The following FRMD4B variants were observed in gnomAD, a reference collection of about 807,000 sequenced individuals.
FRMD4B encodes FERM domain-containing protein 4B.
FRMD4B carries 74 observed loss-of-function variants against 141.5 expected under a neutral mutation model. The observed-to-expected ratio is 0.52, with a 90% CI of 0.43 to 0.63. The LOEUF is 0.63. Ranked by LOEUF, FRMD4B falls within the 30% of genes least tolerant of loss-of-function variation. FRMD4B has a pLI of 0.00. For missense variants in FRMD4B, 1,366 were observed against 1,253.4 expected, an observed-to-expected ratio of 1.09 and a Z score of -1.36; for synonymous variants, 506 against 467.9, an observed-to-expected ratio of 1.08 and a Z score of -1.05.
intron 22 of FRMD4B, 32 bp from the exon 23 acceptor site, chr3:69,172,013 G>A: frequency 6.2e-7 from 1 of 1,609,032 alleles, no homozygotes; most frequent in South Asian, 1.1e-5. Context: ...GTTACTACTT[G>A]TGGCCATATT....
chr3:69,282,594 C>G (rs938541284), intron 5 of FRMD4B, among the ~76,000 whole-genome samples: 3 of 152,180 alleles, frequency 2.0e-5, no homozygotes, highest in African/African-American at 7.2e-5. Flanking sequence ...AAACAGCTAC[C>G]TGATCCTGGA....
intron 1 of FRMD4B, among the ~76,000 whole-genome samples, chr3:69,456,223 T>A (rs1482649716): frequency 6.9e-6 from 1 of 145,416 alleles, no homozygotes. Context: ...CTTTGTCAAT[T>A]CATGAAACTC....
At chr3:69,290,708 A>T (rs979882997) in intron 4 of FRMD4B, among the ~76,000 whole-genome samples, 4 of 152,106 alleles carry the variant, frequency 2.6e-5, no homozygotes, top group Non-Finnish European at 4.4e-5. Context: ...GTGCTTCCCG[A>T]TTGTTCTCTC....
intron 1 of FRMD4B, among the ~76,000 whole-genome samples, chr3:69,482,829 C>T (rs564896131): frequency 6.6e-6 from 1 of 152,108 alleles, no homozygotes; most frequent in African/African-American, 2.4e-5. Flanking sequence ...AACTGTTACT[C>T]TTTTTTGGTT....
chr3:69,473,600 T>C (rs1290234075), intron 1 of FRMD4B, among the ~76,000 whole-genome samples: 1 of 152,184 alleles, frequency 6.6e-6, no homozygotes, highest in African/African-American at 2.4e-5. Context: ...CAAGTATATA[T>C]ACTTTTATTT....
chr3:69,218,665 C>T (rs1166394771), intron 9 of FRMD4B, among the ~76,000 whole-genome samples: 4 of 152,126 alleles, frequency 2.6e-5, no homozygotes, highest in African/African-American at 9.7e-5. Flanking sequence ...ATTATAAACT[C>T]CATTTGCAAG....
chr3:69,539,173 G>A (rs1444514853), intron 1 of FRMD4B, among the ~76,000 whole-genome samples: 1 of 152,188 alleles, frequency 6.6e-6, no homozygotes, highest in Non-Finnish European at 1.5e-5. Context: ...GAAAATTACT[G>A]CAGGCTGGAT....
chr3:69,472,256 C>A, intron 1 of FRMD4B: 1 of 333,190 alleles, frequency 3.0e-6, no homozygotes, highest in Non-Finnish European at 6.1e-6. Flanking sequence ...GCATGTCCAG[C>A]CTTCCTTGTT....
chr3:69,182,196 T>A (rs898032511), intron 20 of FRMD4B, among the ~76,000 whole-genome samples: 1 of 152,170 alleles, frequency 6.6e-6, no homozygotes, highest in Non-Finnish European at 1.5e-5. Flanking sequence ...TCTTGCTTCC[T>A]CCTTTGTAAG....
intron 5 of FRMD4B, among the ~76,000 whole-genome samples, chr3:69,257,277 T>C (rs1213148443): frequency 6.6e-6 from 1 of 152,232 alleles, no homozygotes; most frequent in South Asian, 2.1e-4. Flanking sequence ...ACAATATAAG[T>C]AACAACCCTC....
intron 1 of FRMD4B, among the ~76,000 whole-genome samples, chr3:69,486,427 T>C (rs1706217600): frequency 7.4e-6 from 1 of 135,070 alleles, no homozygotes; most frequent in African/African-American, 3.1e-5. Flanking sequence ...TGCCTTTGCG[T>C]CCTTATAGCT....
intron 5 of FRMD4B, among the ~76,000 whole-genome samples, chr3:69,254,073 C>T (rs2093478664): frequency 6.6e-6 from 1 of 152,070 alleles, no homozygotes; most frequent in Admixed American, 6.6e-5. Context: ...GAGCAAGACC[C>T]TGTCTCAAAA....
At chr3:69,180,856 G>A (rs752576449) in intron 21 of FRMD4B, 43 bp downstream of exon 21, 15 of 1,377,592 alleles carry the variant, frequency 1.1e-5, no homozygotes, top group Non-Finnish European at 1.5e-5. Context: ...GAAACACGAT[G>A]TAAATAAAAT....
At chr3:69,213,145 T>C (rs2093103075) in intron 11 of FRMD4B, among the ~76,000 whole-genome samples, 1 of 152,186 alleles carries the variant, frequency 6.6e-6, no homozygotes, top group Admixed American at 6.5e-5. Context: ...TAGAGAAATA[T>C]GGCAAGGTAT....
intron 1 of FRMD4B, among the ~76,000 whole-genome samples, chr3:69,343,028 G>C (rs776732907): frequency 6.6e-6 from 1 of 151,918 alleles, no homozygotes; most frequent in Non-Finnish European, 1.5e-5. Flanking sequence ...TCCATAGCTC[G>C]CTGCAGCCTC....
intron 3 of FRMD4B, among the ~76,000 whole-genome samples, chr3:69,308,066 A>G (rs1359652961): frequency 6.6e-6 from 1 of 152,172 alleles, no homozygotes; most frequent in Non-Finnish European, 1.5e-5. Context: ...ATCCAATTTT[A>G]GTTACTCGTC....
chr3:69,476,378 T>G lies in FRMD4B; in HGVS notation c.-128-43617A>C, dbSNP rs1314393201. On this transcript the variant is annotated intron_variant, in intron 1 of 5. Transcript: ENST00000459638. ...TTTATTCCATCTTGAATTAATTTTT[T>G]TATAAGGTGTAAGCAAGGGATCCAG... Among the ~76,000 whole-genome samples the G allele has an allele frequency of 1.4e-4, 22 of 152,250 alleles. No individual in the cohort carries two copies. In the East Asian group the frequency reaches 2.5e-3, roughly 17 times the overall value.
At position 69,181,323 on chromosome 3, in the gene FRMD4B, G is replaced by A. The variant is rs772618396; in HGVS notation, c.2427C>T (p.Tyr809=). ...PPSSSYYIAG[Y]TPYAECDFYY... ...AAAAGTCACACTCTGCATAGGGTGT[G>A]TACCCGGCAATGTAGTAACTGGAAG... The change falls in exon 21 of 23, where the codon TAC becomes TAT. Residue 809 remains tyrosine, a synonymous_variant. Transcript: ENST00000398540. 2.2e-5 allele frequency: 36 copies of A among 1,613,810 alleles called. No homozygotes were observed. Among genetic ancestry groups the A allele is most frequent in the Admixed American group, 1.0e-4 (6 of 60,000 alleles).
chr3:69,269,184 C>A lies in FRMD4B; in HGVS notation c.501+18568G>T, dbSNP rs963935345. 7.9e-5 allele frequency among the ~76,000 whole-genome samples: 12 copies of A among 151,852 alleles called. 1 individual carries two copies. Among genetic ancestry groups the A allele is most frequent in the Non-Finnish European group, 1.3e-4 (9 of 68,034 alleles). Reference sequence around the variant, plus strand: ...CCTCAGGTGACCCACCTGCCTCGGCCTCTCAGAGTGTTGGGATTACAGGCG... The same window carrying A: ...CCTCAGGTGACCCACCTGCCTCGGCATCTCAGAGTGTTGGGATTACAGGCG... On this transcript the variant is annotated intron_variant, in intron 5 of 22. Coordinates refer to ENST00000398540, the MANE Select transcript of FRMD4B (RefSeq NM_015123.3).
Sources: gnomAD v4.1 joint callset for allele counts (sites outside exome capture counted in the v4.1 genomes callset) on GRCh38, gnomAD v4.1.1 for gene constraint, MANE v1.5 for transcripts, NCBI Gene and HGNC (gene_info 2026-07-23, HGNC 2026-07-21) for gene names.